SORBS2: variants seen among roughly 807,000 people sequenced by gnomAD.
SORBS2 encodes the protein sorbin and SH3 domain containing 2, also known as sorbin and SH3 domain-containing protein 2.
In SORBS2, 46 loss-of-function variants were observed where a neutral mutation model predicts 97.7. The observed-to-expected ratio is 0.47, with a 90% confidence interval of 0.37 to 0.60. The LOEUF (loss-of-function observed/expected upper bound fraction) is 0.60. Among genes scored for constraint, SORBS2 ranks in the 20% least tolerant of loss-of-function variants. The pLI is 0.00. For synonymous variants in SORBS2, 476 were observed against 473.4 expected, an observed-to-expected ratio of 1.01 and a Z score of -0.07; for missense variants, 1,316 against 1,282.3, an observed-to-expected ratio of 1.03 and a Z score of -0.40.
At chr4:185,778,619 G>T (rs73873376) in intron 1 of SORBS2, among the ~76,000 whole-genome samples, 4 of 152,130 alleles carry the variant, frequency 2.6e-5, no homozygotes, top group Non-Finnish European at 4.4e-5. Context: ...CCCCGGCCCC[G>T]CCCCTAGAGA....
At chr4:185,890,389 T>G (rs767666667) in intron 1 of SORBS2, among the ~76,000 whole-genome samples, 10 of 152,274 alleles carry the variant, frequency 6.6e-5, no homozygotes, top group Admixed American at 1.3e-4. Context: ...CACTTACAGA[T>G]GTTATCTCCT....
chr4:185,867,906 C>T (rs1456633230), intron 1 of SORBS2, among the ~76,000 whole-genome samples: 1 of 152,102 alleles, frequency 6.6e-6, no homozygotes, highest in African/African-American at 2.4e-5. Context: ...AGGGGTCCCA[C>T]CAACTATTCA....
intron 4 of SORBS2, among the ~76,000 whole-genome samples, chr4:185,637,509 G>A (rs2097034332): frequency 6.6e-6 from 1 of 152,230 alleles, no homozygotes; most frequent in Admixed American, 6.5e-5. Context: ...ATATTATAGT[G>A]AGAACTGCCC....
rs2097920017 is a variant in SORBS2 at position 185,684,597 on chromosome 4, A to G, written c.-197-5775T>C. 6.6e-6 allele frequency among the ~76,000 whole-genome samples: 1 copy of G among 152,222 alleles called. No homozygotes were observed. The highest frequency in any genetic ancestry group is 2.4e-5 in the African/African-American group (1 of 41,460). ...TAGTTATTAACACTCGCAGTTACTCAACCTATTTTTGGCAAGTGACTGCTG... is the reference window on the plus strand; with the variant it reads ...TAGTTATTAACACTCGCAGTTACTCGACCTATTTTTGGCAAGTGACTGCTG... On this transcript the variant is annotated intron_variant, in intron 2 of 20. Coordinates refer to the SORBS2 transcript ENST00000284776. The surrounding 1 kb of genome is among the most constrained non-coding windows in gnomAD (Gnocchi z 4.2).
chr4:185,783,616 TA>T lies in SORBS2; in HGVS notation c.-337-8251del, dbSNP rs373216836. The stretch of plus-strand genomic sequence containing the variant: ...AGAGATCAGTAACCATGTTGTAGTT[TA>T]AAAAAAAAATGCGAAGTCTTTGTTC... On this transcript the variant is annotated intron_variant, in intron 1 of 20. Coordinates refer to the SORBS2 transcript ENST00000284776. Among the ~76,000 whole-genome samples, 902 of 150,666 alleles carry T rather than the reference TA, an allele frequency of 6.0e-3. 6 individuals are homozygous for T. The highest frequency in any genetic ancestry group is 0.02 in the African/African-American group (822 of 41,142).
intron 4 of SORBS2, among the ~76,000 whole-genome samples, chr4:185,643,192 T>C (rs777201795): frequency 2.0e-5 from 3 of 152,132 alleles, no homozygotes; most frequent in Non-Finnish European, 4.4e-5. Context: ...GCACATTCCC[T>C]GGGGGAGGTG....
chr4:185,868,926 A>G (rs2099228849), intron 1 of SORBS2, among the ~76,000 whole-genome samples: 2 of 152,366 alleles, frequency 1.3e-5, no homozygotes, highest in African/African-American at 4.8e-5. Context: ...GACAAACAGA[A>G]TCCCAGGGGT....
chr4:185,631,820 T>C (rs1022089001), intron 4 of SORBS2, among the ~76,000 whole-genome samples: 2 of 151,786 alleles, frequency 1.3e-5, no homozygotes, highest in Non-Finnish European at 2.9e-5. Context: ...AAAACAAAAG[T>C]ATAAAGAAAG....
At chr4:185,747,582 G>A (rs142675887) in intron 2 of SORBS2, among the ~76,000 whole-genome samples, 98 of 152,270 alleles carry the variant, frequency 6.4e-4, no homozygotes, top group African/African-American at 1.9e-3. Flanking sequence ...GGACACCACC[G>A]TCACTGGTCA....
intron 2 of SORBS2, among the ~76,000 whole-genome samples, chr4:185,691,328 G>A (rs182548561): frequency 3.6e-4 from 54 of 152,062 alleles, no homozygotes; most frequent in Admixed American, 9.2e-4. Flanking sequence ...GCCTCTCAAG[G>A]TGCTGGGATT....
intron 1 of SORBS2, among the ~76,000 whole-genome samples, chr4:185,779,194 T>TAG (rs5864961): frequency 0.89 from 136,078 of 152,142 alleles, 60,933 homozygotes; most frequent in East Asian, 0.93. Context: ...TACTTAAGAG[T>TAG]AGAGTCTGGA....
At chr4:185,941,011 TG>T (rs2099271716) in intron 1 of SORBS2, among the ~76,000 whole-genome samples, 1 of 152,152 alleles carries the variant, frequency 6.6e-6, no homozygotes, top group Non-Finnish European at 1.5e-5. Flanking sequence ...ACTGGACAGC[TG>T]CCCACATAAA....
chr4:185,891,988 C>T (rs2099242768), intron 1 of SORBS2, among the ~76,000 whole-genome samples: 1 of 152,160 alleles, frequency 6.6e-6, no homozygotes, highest in Non-Finnish European at 1.5e-5. Flanking sequence ...GCACACACCA[C>T]CACACCCAGC....
At position 185,953,469 on chromosome 4, in the gene SORBS2, G is replaced by A. The variant is rs544086107; in HGVS notation, c.-338+2727C>T. ...TACTCAGCATTCCCCAACAGCCTCC[G>A]TGCTCAGTCCCACCAGGACACCAAG... On this transcript the variant is annotated intron_variant, in intron 1 of 20. Coordinates refer to the SORBS2 transcript ENST00000284776. 1.4e-3 allele frequency among the ~76,000 whole-genome samples: 214 copies of A among 152,232 alleles called. 1 individual carries two copies. The highest frequency in any genetic ancestry group is 4.7e-3 in the African/African-American group (195 of 41,530).
intron 1 of SORBS2, chr4:185,919,447 C>T (rs1315303720): frequency 6.6e-6 from 1 of 152,136 alleles, no homozygotes; most frequent in Non-Finnish European, 1.5e-5. Context: ...TAAATAAACT[C>T]CTTGACTTTT....
intron 1 of SORBS2, among the ~76,000 whole-genome samples, chr4:185,850,216 A>G (rs908572366): frequency 3.3e-5 from 5 of 152,218 alleles, no homozygotes; most frequent in Admixed American, 2.0e-4. Context: ...AAAATGCTAA[A>G]GTGACTTTCA....
chr4:185,927,383 T>C (rs994586150), intron 1 of SORBS2, among the ~76,000 whole-genome samples: 2 of 152,050 alleles, frequency 1.3e-5, no homozygotes, highest in African/African-American at 4.8e-5. Context: ...ATCTGTCACC[T>C]AGGTTTTAAG....
At chr4:185,905,557 TAC>T (rs2099250302) in intron 1 of SORBS2, among the ~76,000 whole-genome samples, 1 of 152,246 alleles carries the variant, frequency 6.6e-6, no homozygotes. Context: ...AGCATAATGA[TAC>T]ACCTATCAAA....
At chr4:185,613,646 C>CAAAAAAA (rs35723770) in intron 11 of SORBS2, among the ~76,000 whole-genome samples, 2 of 85,806 alleles carry the variant, frequency 2.3e-5, no homozygotes, top group Non-Finnish European at 4.5e-5. Context: ...CACTCCATCT[C>CAAAAAAA]AAAAAAAAAA....
Sources: allele counts gnomAD v4.1 joint callset (sites outside exome capture counted in the v4.1 genomes callset), GRCh38; gene constraint gnomAD v4.1.1; non-coding constraint Gnocchi (gnomAD v3.1); transcripts MANE v1.5; gene names NCBI Gene and HGNC (gene_info 2026-07-23, HGNC 2026-07-21).